REEP5: variants seen among roughly 807,000 people sequenced by gnomAD.
REEP5 encodes receptor expression-enhancing protein 5.
A neutral mutation model predicts 22.4 loss-of-function variants in REEP5; 24 were observed. That is an observed-to-expected ratio of 1.07 (90% CI 0.78 to 1.51). The LOEUF is 1.51. REEP5 is among the 40% of genes most tolerant of loss of function. The pLI is 0.00. For missense variants in REEP5, 252 were observed against 233.0 expected (o/e 1.08, Z -0.53); for synonymous variants, 103 against 88.6 (o/e 1.16, Z -0.92).
chr5:112,914,734 G>A (rs532497352), intron 2 of REEP5, among the ~76,000 whole-genome samples: 21 of 152,214 alleles, frequency 1.4e-4, no homozygotes, highest in African/African-American at 4.3e-4. Flanking sequence ...CTTAGATGCG[G>A]ACCGCAGTCT....
At chr5:112,907,341 C>T (rs895150655) in intron 2 of REEP5, among the ~76,000 whole-genome samples, 2 of 152,198 alleles carry the variant, frequency 1.3e-5, no homozygotes, top group Non-Finnish European at 2.9e-5. Flanking sequence ...ACAGACACCA[C>T]AGTCTTACTG....
chr5:112,920,171 A>G (rs1187216415), intron 2 of REEP5, among the ~76,000 whole-genome samples: 1 of 152,250 alleles, frequency 6.6e-6, no homozygotes, highest in African/African-American at 2.4e-5. Context: ...ACTACTAGGT[A>G]ACTGCAATTT....
intron 3 of REEP5, chr5:112,893,048 A>G (rs751024151): frequency 2.1e-6 from 3 of 1,438,434 alleles, no homozygotes; most frequent in South Asian, 1.2e-5. Context: ...GGTAATAGAG[A>G]CAGAACTGTT....
At chr5:112,896,252 G>A (rs945672579) in intron 3 of REEP5, 1 of 152,658 alleles carries the variant, frequency 6.6e-6, no homozygotes, top group Non-Finnish European at 1.5e-5. Flanking sequence ...AGGCACAGTG[G>A]CTTACGCCTG....
chr5:112,908,702 C>T (rs1769023307), intron 2 of REEP5, among the ~76,000 whole-genome samples: 1 of 151,534 alleles, frequency 6.6e-6, no homozygotes, highest in South Asian at 2.1e-4. Context: ...CACGACAGCG[C>T]CCACGACCAC....
chr5:112,920,133 G>C (rs974517958), intron 2 of REEP5, among the ~76,000 whole-genome samples: 2 of 152,216 alleles, frequency 1.3e-5, no homozygotes, highest in African/African-American at 4.8e-5. Flanking sequence ...GTATGACTAA[G>C]TGTCTGTACC....
intron 4 of REEP5, among the ~76,000 whole-genome samples, chr5:112,883,816 C>A (rs1768148588): frequency 6.6e-6 from 1 of 152,130 alleles, no homozygotes; most frequent in African/African-American, 2.4e-5. Flanking sequence ...AAAACCTGTT[C>A]TACCCAGTCT....
intron 2 of REEP5, among the ~76,000 whole-genome samples, chr5:112,910,253 G>C (rs1244461723): frequency 6.6e-6 from 1 of 152,132 alleles, no homozygotes; most frequent in Non-Finnish European, 1.5e-5. Flanking sequence ...AGTGAGCTGA[G>C]ATCGTGCCAC....
chr5:112,881,660 C>T (rs2150033904), intron 4 of REEP5, among the ~76,000 whole-genome samples: 1 of 152,278 alleles, frequency 6.6e-6, no homozygotes, highest in East Asian at 1.9e-4. Context: ...CAGATTCTAT[C>T]ACTGAGTAGC....
intron 2 of REEP5, among the ~76,000 whole-genome samples, chr5:112,908,822 T>G (rs968029112): frequency 5.3e-5 from 8 of 151,722 alleles, no homozygotes; most frequent in African/African-American, 1.9e-4. Flanking sequence ...CCCAAAGTGC[T>G]GGGATTACAG....
rs1767966127 is a variant in REEP5, at chr5:112,878,547, A to G, written c.*239T>C. 2.0e-6 allele frequency: 1 copy of G among 510,100 alleles called. No homozygotes were observed. Among genetic ancestry groups the G allele is most frequent in the African/African-American group, 1.9e-5 (1 of 51,466 alleles). 31.6% of individuals were successfully genotyped at this position (510,100 alleles called of 1,614,324 possible). Reference sequence around the variant, plus strand: ...TAGCAACATACATCTTTTCCTACCCAGAGGCAAAATACATTTTCCAAAAAC... The same window carrying G: ...TAGCAACATACATCTTTTCCTACCCGGAGGCAAAATACATTTTCCAAAAAC... On this transcript the variant is annotated 3_prime_UTR_variant, in exon 5 of 5. Transcript: ENST00000379638.
chr5:112,910,075 G>GACCTCAA (rs1278845450), intron 2 of REEP5, among the ~76,000 whole-genome samples: 2 of 152,186 alleles, frequency 1.3e-5, no homozygotes, highest in African/African-American at 4.8e-5. Flanking sequence ...GGCCAAGGAG[G>GACCTCAA]GTGGATCACT....
chr5:112,914,442 T>A (rs767346031), intron 2 of REEP5, among the ~76,000 whole-genome samples: 1 of 151,974 alleles, frequency 6.6e-6, no homozygotes, highest in Non-Finnish European at 1.5e-5. Flanking sequence ...TTTGCCATGT[T>A]GTCCAGGCTG....
intron 2 of REEP5, among the ~76,000 whole-genome samples, chr5:112,909,939 A>G (rs897860445): frequency 6.6e-6 from 1 of 152,226 alleles, no homozygotes; most frequent in Non-Finnish European, 1.5e-5. Flanking sequence ...CCCATGACAC[A>G]AGTAAGCTGT....
Position 112,893,147 on chromosome 5 carries a change from C to T in REEP5, c.352-5964G>A, listed in dbSNP as rs576078407. 503 of 739,646 alleles carry T rather than the reference C, an allele frequency of 6.8e-4. 4 individuals carry two copies. The highest frequency in any genetic ancestry group is 5.0e-3 in the South Asian group (257 of 51,594). The allele number at this position is 739,646 out of a possible 1,614,324, so 45.8% of individuals were successfully genotyped here. On this transcript the variant is annotated intron_variant, in intron 3 of 4. Transcript: ENST00000379638. ...GGACCAGGCCAGGTATAGTGGCTCA[C>T]ACCTGTAATCCCAGCACTTTAGGAG...
At chr5:112,918,937 C>CT (rs1335170672) in intron 2 of REEP5, among the ~76,000 whole-genome samples, 1 of 152,238 alleles carries the variant, frequency 6.6e-6, no homozygotes, top group Non-Finnish European at 1.5e-5. Context: ...ACGGTCACTA[C>CT]TTTGCCTATT....
chr5:112,886,760 C>T (rs181591991), intron 4 of REEP5, among the ~76,000 whole-genome samples: 51 of 152,244 alleles, frequency 3.3e-4, no homozygotes, highest in Admixed American at 1.4e-3. Flanking sequence ...AAAATCGCTG[C>T]CTACCAAGGA....
rs139879346 is a variant in REEP5, at chr5:112,919,476, G to A, written c.212+1687C>T. 5.8e-3 allele frequency among the ~76,000 whole-genome samples: 884 copies of A among 152,160 alleles called. 7 individuals carry two copies. The highest frequency in any genetic ancestry group is 0.019 in the African/African-American group (798 of 41,510). Reference sequence around the variant, plus strand: ...GGCAGGAGAATTGCTTGAATTTGGCGGGGGTGGGGGCGGCCAGGGATGGCG... The same window carrying A: ...GGCAGGAGAATTGCTTGAATTTGGCAGGGGTGGGGGCGGCCAGGGATGGCG... On this transcript the variant is annotated intron_variant, in intron 2 of 4. Transcript: ENST00000379638.
At chr5:112,884,691 C>T (rs191713550) in intron 4 of REEP5, among the ~76,000 whole-genome samples, 225 of 151,714 alleles carry the variant, frequency 1.5e-3, no homozygotes, top group Non-Finnish European at 2.8e-3. Flanking sequence ...GATTCCTTTA[C>T]TACTATTGAG....
Sources: allele counts gnomAD v4.1 joint callset (sites outside exome capture counted in the v4.1 genomes callset), GRCh38; gene constraint gnomAD v4.1.1; transcripts MANE v1.5; gene names NCBI Gene and HGNC (gene_info 2026-07-23, HGNC 2026-07-21).